Variants in MACROD2 observed in about 807,000 individuals in gnomAD.
The protein encoded by MACROD2 is mono-ADP ribosylhydrolase 2.
In MACROD2, 36 loss-of-function variants were observed where a neutral mutation model predicts 70.4. The ratio of observed to expected loss-of-function variants is 0.51; its 90% CI spans 0.39 to 0.68. The LOEUF is 0.68. MACROD2 is among the 30% of genes least tolerant of loss of function. The pLI is 0.00. For synonymous variants in MACROD2, 172 were observed against 178.8 expected (o/e 0.96, Z 0.30); for missense variants, 496 against 538.4 (o/e 0.92, Z 0.78).
chr20:15,173,071 T>TG (rs2076434814), intron 5 of MACROD2, among the ~76,000 whole-genome samples: 1 of 152,170 alleles, frequency 6.6e-6, no homozygotes, highest in African/African-American at 2.4e-5. Context: ...TGTGTTTGTG[T>TG]GGGTCTGTGT....
chr20:15,485,804 C>T (rs1651342056), intron 7 of MACROD2, among the ~76,000 whole-genome samples: 1 of 152,084 alleles, frequency 6.6e-6, no homozygotes, highest in Admixed American at 6.6e-5. Context: ...TTACATTTCT[C>T]TAGGCATTTT....
intron 11 of MACROD2, 102 bp from the exon 12 acceptor site, chr20:15,937,374 G>T (rs530789698): frequency 8.5e-5 from 86 of 1,011,200 alleles, no homozygotes; most frequent in Admixed American, 6.6e-4. Flanking sequence ...GCAGGCTCAT[G>T]CTTTCTTTGG....
rs2055178340 is a variant in MACROD2 at position 14,160,963 on chromosome 20, A to G, written c.271+75235A>G. On this transcript the variant is annotated intron_variant, in intron 3 of 17. Transcript: ENST00000684519. ...CCACATAGTGAACATTGTACCCAAT[A>G]GGTAATTTTTAAACCTTCACCCCCT... is the stretch of plus-strand genomic sequence containing the variant. 2.0e-5 allele frequency among the ~76,000 whole-genome samples: 3 copies of G among 152,182 alleles called. No individual in the cohort carries two copies. In the South Asian group the frequency reaches 6.2e-4, roughly 32 times the overall value.
intron 8 of MACROD2, among the ~76,000 whole-genome samples, chr20:15,835,371 G>A (rs2064102670): frequency 1.3e-5 from 2 of 151,950 alleles, no homozygotes; most frequent in African/African-American, 4.8e-5. Context: ...AAAAAAAATG[G>A]GTTTGCCATT....
chr20:14,735,502 A>C (rs2071653000), intron 5 of MACROD2, among the ~76,000 whole-genome samples: 1 of 152,136 alleles, frequency 6.6e-6, no homozygotes, highest in African/African-American at 2.4e-5. Context: ...AGTGTTGGTG[A>C]GAATGCGGAG....
chr20:14,516,355 T>G (rs2085099618), intron 4 of MACROD2, among the ~76,000 whole-genome samples: 1 of 152,136 alleles, frequency 6.6e-6, no homozygotes, highest in Admixed American at 6.6e-5. Context: ...GCTTTTGGTG[T>G]TTAGTCATGA....
chr20:15,740,923 A>ATCTC (rs2051095315), intron 8 of MACROD2, among the ~76,000 whole-genome samples: 1 of 151,920 alleles, frequency 6.6e-6, no homozygotes, highest in African/African-American at 2.4e-5. Context: ...CACCTGTGCC[A>ATCTC]TCTCTTTCCT....
At chr20:14,163,407 T>G (rs995061109) in intron 3 of MACROD2, among the ~76,000 whole-genome samples, 1 of 152,150 alleles carries the variant, frequency 6.6e-6, no homozygotes. Flanking sequence ...TTTTGACAGT[T>G]TGACTATAAT....
chr20:14,240,996 G>T (rs2122234842), intron 3 of MACROD2, among the ~76,000 whole-genome samples: 1 of 152,254 alleles, frequency 6.6e-6, no homozygotes, highest in East Asian at 1.9e-4. Context: ...GGGTGTGGTG[G>T]CACGTGCCTG....
chr20:15,900,652 T>C (rs73597716), intron 10 of MACROD2, among the ~76,000 whole-genome samples: 10,704 of 152,246 alleles, frequency 0.07, 933 homozygotes, highest in African/African-American at 0.2. Context: ...TCTGTTTGAC[T>C]GGGAACGATC....
At chr20:15,993,510 G>C (rs1464518897) in intron 15 of MACROD2, among the ~76,000 whole-genome samples, 1 of 152,112 alleles carries the variant, frequency 6.6e-6, no homozygotes, top group Non-Finnish European at 1.5e-5. Flanking sequence ...TTGGTATGTA[G>C]TAGGCTATAC....
rs1013555275 is a variant in MACROD2 at position 16,051,148 on chromosome 20, A to C, written c.*1272A>C. 1.1e-4 allele frequency: 16 copies of C among 152,238 alleles called. No homozygotes were observed. Among genetic ancestry groups the C allele is most frequent in the African/African-American group, 3.6e-4 (15 of 41,452 alleles). The allele number at this position is 152,238 out of a possible 1,614,324, so 9.4% of individuals were successfully genotyped here. ...ACTTCCCACAGCCTCCCCGGGTTCC[A>C]AAGTCATGTCATTGTTTTCAGTGGA... On this transcript the variant is annotated 3_prime_UTR_variant, in exon 18 of 18. Coordinates refer to ENST00000684519, the MANE Select transcript of MACROD2 (RefSeq NM_001351661.2).
chr20:15,098,459 T>A (rs2075849657), intron 5 of MACROD2, among the ~76,000 whole-genome samples: 1 of 152,180 alleles, frequency 6.6e-6, no homozygotes, highest in Non-Finnish European at 1.5e-5. Flanking sequence ...TCTGGGATGC[T>A]AAGTTCTCTG....
chr20:14,759,016 A>G (rs1199610297), intron 5 of MACROD2, among the ~76,000 whole-genome samples: 1 of 152,020 alleles, frequency 6.6e-6, no homozygotes, highest in Non-Finnish European at 1.5e-5. Context: ...TCAAGTTCAT[A>G]TTCAATTCAT....
intron 12 of MACROD2, among the ~76,000 whole-genome samples, chr20:15,964,266 G>C (rs911413398): frequency 6.6e-6 from 1 of 152,074 alleles, no homozygotes; most frequent in Non-Finnish European, 1.5e-5. Flanking sequence ...CCATTAACTG[G>C]GTGGCTTATA....
chr20:15,429,744 T>A (rs1317197251), intron 6 of MACROD2, among the ~76,000 whole-genome samples: 1 of 152,044 alleles, frequency 6.6e-6, no homozygotes, highest in African/African-American at 2.4e-5. Flanking sequence ...TAAAAAAAAA[T>A]TCTGTCATTA....
intron 4 of MACROD2, among the ~76,000 whole-genome samples, chr20:14,675,228 G>A (rs970416427): frequency 1.3e-5 from 2 of 152,136 alleles, no homozygotes; most frequent in African/African-American, 4.8e-5. Flanking sequence ...TCCTTGAGAA[G>A]AGCAACCACA....
intron 7 of MACROD2, among the ~76,000 whole-genome samples, chr20:15,466,017 C>G (rs1278329936): frequency 6.6e-6 from 1 of 152,102 alleles, no homozygotes; most frequent in Non-Finnish European, 1.5e-5. Flanking sequence ...AAGTAAGTGA[C>G]ATATTTTGTT....
intron 5 of MACROD2, among the ~76,000 whole-genome samples, chr20:15,219,169 GACAGATAAA>G (rs2076836874): frequency 2.6e-5 from 4 of 152,230 alleles, no homozygotes; most frequent in Admixed American, 2.6e-4. Flanking sequence ...CAAACTTGAG[GACAGATAAA>G]ATAGTTAATG....
Sources: gnomAD v4.1 joint callset for allele counts (sites outside exome capture counted in the v4.1 genomes callset) on GRCh38, gnomAD v4.1.1 for gene constraint, MANE v1.5 for transcripts, NCBI Gene and HGNC (gene_info 2026-07-23, HGNC 2026-07-21) for gene names.